Variants in KCNIP4 observed in about 807,000 individuals in gnomAD.
KCNIP4 encodes the protein Kv channel-interacting protein 4.
In KCNIP4, 12 loss-of-function variants were observed where a neutral mutation model predicts 34.0. The ratio of observed to expected loss-of-function variants is 0.35; its 90% CI spans 0.23 to 0.57. The LOEUF is 0.57. Ranked by LOEUF, KCNIP4 falls within the 20% of genes least tolerant of loss-of-function variation. KCNIP4 has a pLI of 0.83. For missense variants in KCNIP4, 238 were observed against 311.7 expected (o/e 0.76, Z 1.78); for synonymous variants, 124 against 102.2 (o/e 1.21, Z -1.29).
chr4:21,272,259 T>C (rs1762199096), intron 1 of KCNIP4, among the ~76,000 whole-genome samples: 2 of 152,224 alleles, frequency 1.3e-5, no homozygotes, highest in South Asian at 4.1e-4. Flanking sequence ...TGAATTATTG[T>C]ATGAAAAGCT....
chr4:21,650,967 C>T (rs1465292337), intron 1 of KCNIP4, among the ~76,000 whole-genome samples: 2 of 151,882 alleles, frequency 1.3e-5, no homozygotes, highest in Non-Finnish European at 2.9e-5. Context: ...TGGTCTTCTC[C>T]ATCTTTAAAA....
chr4:21,324,100 A>AT (rs1163878574), intron 1 of KCNIP4, among the ~76,000 whole-genome samples: 4 of 151,780 alleles, frequency 2.6e-5, no homozygotes, highest in Admixed American at 6.6e-5. Context: ...GTATTATCAG[A>AT]TTTTTTTCCT....
intron 1 of KCNIP4, among the ~76,000 whole-genome samples, chr4:21,874,422 T>C (rs1725980836): frequency 6.6e-6 from 1 of 152,166 alleles, no homozygotes; most frequent in South Asian, 2.1e-4. Flanking sequence ...CTCTCTGGCT[T>C]TCAGCTGGTT....
intron 1 of KCNIP4, among the ~76,000 whole-genome samples, chr4:21,080,263 A>G (rs1369668669): frequency 6.6e-6 from 1 of 151,862 alleles, no homozygotes; most frequent in Non-Finnish European, 1.5e-5. Flanking sequence ...TATGGGGATT[A>G]TCATGACACC....
intron 1 of KCNIP4, among the ~76,000 whole-genome samples, chr4:21,080,015 T>G (rs184477382): frequency 6.6e-6 from 1 of 152,044 alleles, no homozygotes; most frequent in East Asian, 1.9e-4. Context: ...AACTGAAAGA[T>G]AGTAAATTTG....
At chr4:21,602,568 A>G (rs1743276468) in intron 1 of KCNIP4, among the ~76,000 whole-genome samples, 1 of 152,176 alleles carries the variant, frequency 6.6e-6, no homozygotes, top group Non-Finnish European at 1.5e-5. Flanking sequence ...AAAGATACAC[A>G]CACATAAGGT....
intron 1 of KCNIP4, among the ~76,000 whole-genome samples, chr4:21,626,803 G>A (rs1006470763): frequency 7.9e-5 from 12 of 152,080 alleles, no homozygotes; most frequent in Middle Eastern, 6.8e-3. Context: ...ACGACAGATC[G>A]TTTCTCCACA....
chr4:20,879,718 T>A (rs1336426297), intron 2 of KCNIP4, among the ~76,000 whole-genome samples: 1 of 152,164 alleles, frequency 6.6e-6, no homozygotes, highest in Admixed American at 6.5e-5. Flanking sequence ...ATTAAGAATA[T>A]TATGCCTAAA....
At chr4:21,776,487 T>A (rs1719189735) in intron 1 of KCNIP4, among the ~76,000 whole-genome samples, 1 of 152,184 alleles carries the variant, frequency 6.6e-6, no homozygotes, top group African/African-American at 2.4e-5. Flanking sequence ...GGCCTGGGTA[T>A]CACAAAGTTA....
chr4:21,910,461 A>G (rs939108928), intron 1 of KCNIP4, among the ~76,000 whole-genome samples: 1 of 152,128 alleles, frequency 6.6e-6, no homozygotes, highest in Non-Finnish European at 1.5e-5. Flanking sequence ...CTACATATCC[A>G]GTCTCCTGAT....
intron 5 of KCNIP4, among the ~76,000 whole-genome samples, chr4:20,742,030 A>G (rs1751243060): frequency 6.6e-6 from 1 of 152,202 alleles, no homozygotes; most frequent in African/African-American, 2.4e-5. Context: ...AAGAAGTTGA[A>G]TCCCTGAATA....
chr4:21,475,049 TAAAA>T (rs914657008), intron 1 of KCNIP4, among the ~76,000 whole-genome samples: 1 of 149,616 alleles, frequency 6.7e-6, no homozygotes, highest in Non-Finnish European at 1.5e-5. Context: ...TTAATTAAAA[TAAAA>T]ATAATTATAA....
intron 3 of KCNIP4, among the ~76,000 whole-genome samples, chr4:20,770,260 T>C (rs1018461761): frequency 3.9e-5 from 6 of 152,188 alleles, no homozygotes; most frequent in Admixed American, 3.3e-4. Flanking sequence ...AAAGACTATA[T>C]TCTGTCAAGG....
chr4:21,621,315 C>T (rs1054154451), intron 1 of KCNIP4, among the ~76,000 whole-genome samples: 2 of 152,052 alleles, frequency 1.3e-5, no homozygotes, highest in African/African-American at 4.8e-5. Context: ...TGCCTCAGAC[C>T]CTGAAGTGTG....
chr4:21,472,471 C>T (rs900491286), intron 1 of KCNIP4, among the ~76,000 whole-genome samples: 1 of 152,152 alleles, frequency 6.6e-6, no homozygotes, highest in Admixed American at 6.5e-5. Flanking sequence ...CTACAACTAT[C>T]ATTACCTTAA....
At chr4:21,741,909 C>T (rs1053337713) in intron 1 of KCNIP4, among the ~76,000 whole-genome samples, 4 of 151,938 alleles carry the variant, frequency 2.6e-5, no homozygotes, top group African/African-American at 7.2e-5. Context: ...TGGTGACGCA[C>T]GCCTGCAGTC....
At chr4:21,827,310 T>A (rs919238227) in intron 1 of KCNIP4, among the ~76,000 whole-genome samples, 19 of 152,046 alleles carry the variant, frequency 1.2e-4, no homozygotes, top group Non-Finnish European at 1.5e-5. Context: ...AAATGCATCC[T>A]TAGTAAAAAT....
At chr4:20,968,050 C>G (rs1402153235) in intron 1 of KCNIP4, among the ~76,000 whole-genome samples, 1 of 152,124 alleles carries the variant, frequency 6.6e-6, no homozygotes, top group African/African-American at 2.4e-5. Context: ...GGGCTAATAT[C>G]CAGAATCTAG....
At chr4:21,762,768 G>A (rs1482022586) in intron 1 of KCNIP4, among the ~76,000 whole-genome samples, 1 of 152,090 alleles carries the variant, frequency 6.6e-6, no homozygotes, top group Non-Finnish European at 1.5e-5. Context: ...ACTCTTCCAC[G>A]AGTCATCAAA....
Sources: allele counts gnomAD v4.1 joint callset (sites outside exome capture counted in the v4.1 genomes callset), GRCh38; gene constraint gnomAD v4.1.1; transcripts MANE v1.5; gene names NCBI Gene and HGNC (gene_info 2026-07-23, HGNC 2026-07-21).